The following NTAN1 variants were observed in gnomAD, a reference collection of about 807,000 sequenced individuals.
NTAN1 encodes N-terminal asparagine amidase.
Under a neutral mutation model 41.9 loss-of-function variants are expected in NTAN1, and 32 were observed. That is an observed-to-expected ratio of 0.76 (90% CI 0.58 to 1.03). The LOEUF (loss-of-function observed/expected upper bound fraction) is 1.03, where lower values mean the gene tolerates loss of function less well. NTAN1 is among the 50% of genes least tolerant of loss of function. The probability of loss-of-function intolerance (pLI) is 0.00; values close to 1 mark genes in which losing one functional copy is unlikely to be tolerated. For missense variants in NTAN1, 377 were observed against 377.5 expected, an observed-to-expected ratio of 1.00 and a Z score of 0.01; for synonymous variants, 140 against 139.5, an observed-to-expected ratio of 1.00 and a Z score of -0.03.
intron 4 of NTAN1, among the ~76,000 whole-genome samples, chr16:15,046,501 C>A (rs963261776): frequency 6.6e-6 from 1 of 152,100 alleles, no homozygotes; most frequent in Non-Finnish European, 1.5e-5. Flanking sequence ...CAAATGGAGG[C>A]AGCGGCTACT....
At position 15,055,992 on chromosome 16, in the gene NTAN1, C is replaced by T. The variant is rs1213487076; in HGVS notation, c.-21G>A. ...GGCATCGCGGAGGCGGCCGCCCAGG[C>T]AGGCCCAGGGAGGCGGCGGCCCCCC... On this transcript the variant is annotated 5_prime_UTR_variant, in exon 1 of 10. Coordinates refer to ENST00000287706, the MANE Select transcript of NTAN1 (RefSeq NM_173474.4). 1.0e-5 allele frequency: 12 copies of T among 1,203,092 alleles called. No individual in the cohort carries two copies. In the Admixed American group the frequency reaches 3.9e-4, roughly 40 times the overall value. The allele number at this position is 1,203,092 out of a possible 1,614,324, so 74.5% of individuals were successfully genotyped here.
intron 4 of NTAN1, among the ~76,000 whole-genome samples, chr16:15,046,882 A>C (rs1236584271): frequency 6.6e-6 from 1 of 151,932 alleles, no homozygotes; most frequent in Non-Finnish European, 1.5e-5. Flanking sequence ...CTCAACAACA[A>C]AAAGAGAACA....
intron 5 of NTAN1, among the ~76,000 whole-genome samples, chr16:15,043,622 C>A (rs1193188881): frequency 1.5e-5 from 2 of 136,892 alleles, no homozygotes; most frequent in African/African-American, 5.1e-5. Context: ...AGTCAACACA[C>A]GACAATGTTT....
chr16:15,054,170 C>T (rs987564418), intron 1 of NTAN1, among the ~76,000 whole-genome samples: 1 of 152,194 alleles, frequency 6.6e-6, no homozygotes, highest in African/African-American at 2.4e-5. Context: ...ATGCCCTCAC[C>T]CTTCTTCTCC....
intron 6 of NTAN1, 73 bp downstream of exon 6, chr16:15,041,550 G>A: frequency 1.0e-6 from 1 of 989,252 alleles, no homozygotes; most frequent in Non-Finnish European, 1.6e-6. Context: ...CGGTGCTTGG[G>A]CCCACTGCAA....
intron 5 of NTAN1, among the ~76,000 whole-genome samples, chr16:15,042,763 C>T (rs1008643649): frequency 1.7e-5 from 2 of 120,850 alleles, no homozygotes; most frequent in East Asian, 2.6e-4. Context: ...GACGAAGTCT[C>T]GCTCTGTCAC....
chr16:15,041,713 T>C (rs925977498), intron 5 of NTAN1, 37 bp from the exon 6 acceptor site: 10 of 1,482,474 alleles, frequency 6.7e-6, no homozygotes, highest in Non-Finnish European at 9.4e-6. Flanking sequence ...GTCAGAAAAG[T>C]TCCTCTAGTT....
intron 7 of NTAN1, chr16:15,040,387 G>T (rs1190609065): frequency 3.4e-6 from 1 of 295,392 alleles, no homozygotes; most frequent in East Asian, 6.5e-5. Context: ...TACGGCCAGG[G>T]GTGGCTGGGT....
chr16:15,047,499 T>C lies in NTAN1; in HGVS notation c.302A>G (p.Glu101Gly). ...TATGGAGTTCATGATCAAGGGGACC[T>C]CAGCTTTGGTGTCGGTTCCGTCACA... ...THCDGTDTKA[E>G]VPLIMNSIKS... is the part of the protein sequence containing the mutation. Residue 101 changes from glutamate (E) to glycine (G), a missense_variant, in exon 4 of 10, where the codon GAG (glutamate) becomes GGG (glycine). Coordinates refer to ENST00000287706, the MANE Select transcript of NTAN1 (RefSeq NM_173474.4). 6.2e-7 allele frequency: 1 copy of C among 1,614,100 alleles called. No individual in the cohort carries two copies. Among genetic ancestry groups the C allele is most frequent in the Non-Finnish European group, 8.5e-7 (1 of 1,179,940 alleles).
At chr16:15,054,993 T>C (rs1057297137) in intron 1 of NTAN1, among the ~76,000 whole-genome samples, 4 of 152,274 alleles carry the variant, frequency 2.6e-5, no homozygotes, top group South Asian at 2.1e-4. Context: ...CAGTTTATAG[T>C]ATCTGAGCCT....
At chr16:15,049,964 C>G (rs1468437211) in intron 1 of NTAN1, among the ~76,000 whole-genome samples, 2 of 152,156 alleles carry the variant, frequency 1.3e-5, no homozygotes, top group Non-Finnish European at 1.5e-5. Context: ...GAGAAAAATA[C>G]TGGAAGGAAA....
At chr16:15,049,045 C>T (rs1270468601) in intron 1 of NTAN1, among the ~76,000 whole-genome samples, 7 of 147,314 alleles carry the variant, frequency 4.8e-5, no homozygotes, top group East Asian at 2.0e-4. Context: ...AGGCACACAC[C>T]GCCACACCTG....
chr16:15,038,163 A>G lies in NTAN1; in HGVS notation c.801T>C (p.His267=), dbSNP rs1394577335. The change falls in exon 10 of 10, where the codon CAT becomes CAC. Residue 267 remains histidine (H), a synonymous_variant. Coordinates refer to ENST00000287706, the MANE Select transcript of NTAN1 (RefSeq NM_173474.4). ...PLAEPPHFVE[H]IRSTLMFLKK... is the part of the protein sequence containing the mutation. ...TTAAAAACATCAAGGTAGATCTAAT[A>G]TGTTCAACAAAGTGGGGTGGCTCAG... 8 of 1,613,298 alleles carry G rather than the reference A, an allele frequency of 5.0e-6. No homozygotes were observed. In the African/African-American group the frequency reaches 9.4e-5, roughly 19 times the overall value.
chr16:15,053,343 C>T (rs2044368790), intron 1 of NTAN1, among the ~76,000 whole-genome samples: 1 of 152,138 alleles, frequency 6.6e-6, no homozygotes, highest in African/African-American at 2.4e-5. Flanking sequence ...TGGCAGCTTC[C>T]ACTGTATGAC....
intron 9 of NTAN1, 151 bp from the exon 10 acceptor site, chr16:15,038,361 G>C (rs2043638988): frequency 1.5e-6 from 1 of 652,296 alleles, no homozygotes; most frequent in Non-Finnish European, 2.6e-6. Flanking sequence ...GAAAAAAGTT[G>C]ATTGCTTACT....
At chr16:15,052,011 T>TAA (rs879576261) in intron 1 of NTAN1, among the ~76,000 whole-genome samples, 1 of 143,362 alleles carries the variant, frequency 7.0e-6, no homozygotes, top group Admixed American at 7.0e-5. Context: ...AATATTTGCT[T>TAA]AAAAAAAAAA....
chr16:15,040,025 G>A lies in NTAN1; in HGVS notation c.583C>T (p.Gln195Ter), dbSNP rs371093897. Residue 195 changes from glutamine to a stop codon, truncating the protein, a stop_gained, in exon 8 of 10, where the codon CAA becomes TAA. Coordinates refer to ENST00000287706, the MANE Select transcript of NTAN1 (RefSeq NM_173474.4). LOFTEE classifies it high-confidence loss of function. ...KTAEIYRASF[Q>*]DRGPEEQLRA... ...AGCTGCTCCTCCGGACCCCGATCTT[G>A]AAAGGATGCTCTGTAAATCTCTGCA... The A allele has an allele frequency of 6.2e-7, 1 of 1,612,116 alleles. No homozygotes were observed. Among genetic ancestry groups the A allele is most frequent in the Non-Finnish European group, 8.5e-7 (1 of 1,178,402 alleles).
Position 15,038,155 on chromosome 16 carries a change from G to T in NTAN1, c.809C>A (p.Ser270Tyr). 6.2e-7 allele frequency: 1 copy of T among 1,613,094 alleles called. No homozygotes were observed. The highest frequency in any genetic ancestry group is 8.5e-7 in the Non-Finnish European group (1 of 1,179,232). ...GTGTTTTTTTAAAAACATCAAGGTA[G>T]ATCTAATATGTTCAACAAAGTGGGG... ...EPPHFVEHIR[S>Y]TLMFLKKHPS... The change falls in exon 10 of 10, where the codon TCT (serine) becomes TAT (tyrosine). Residue 270 changes from serine to tyrosine, a missense_variant. Transcript: ENST00000287706.
chr16:15,042,938 A>T (rs2043888248), intron 5 of NTAN1, among the ~76,000 whole-genome samples: 1 of 126,092 alleles, frequency 7.9e-6, no homozygotes. Flanking sequence ...TTAGCTCTTG[A>T]TGCCCATGCT....
Sources: gnomAD v4.1 joint callset for allele counts (sites outside exome capture counted in the v4.1 genomes callset) on GRCh38, gnomAD v4.1.1 for gene constraint, MANE v1.5 for transcripts, NCBI Gene and HGNC (gene_info 2026-07-23, HGNC 2026-07-21) for gene names.